CX3CR1: variants seen among roughly 807,000 people sequenced by gnomAD.
CX3CR1 encodes the protein C-X3-C motif chemokine receptor 1.
For missense variants in CX3CR1, 363 were observed against 432.4 expected, an observed-to-expected ratio of 0.84 and a Z score of 1.42; for synonymous variants, 168 against 178.5, an observed-to-expected ratio of 0.94 and a Z score of 0.47.
chr3:39,267,030 C>T (rs1042915208), intron 1 of CX3CR1, among the ~76,000 whole-genome samples: 2 of 152,100 alleles, frequency 1.3e-5, no homozygotes, highest in African/African-American at 2.4e-5. Flanking sequence ...ATTATCCTTC[C>T]GCCTCAGCCT....
chr3:39,291,470 C>A, the CX3CR1 span, among the ~76,000 whole-genome samples: 1 of 152,216 alleles, frequency 6.6e-6, no homozygotes, highest in Non-Finnish European at 1.5e-5. Flanking sequence ...TACTTGTCCT[C>A]TTCAAATATT....
At chr3:39,285,543 C>G (rs2040937552), upstream of CX3CR1, among the ~76,000 whole-genome samples, 1 of 152,164 alleles carries the variant, frequency 6.6e-6, no homozygotes, top group Admixed American at 6.5e-5. Flanking sequence ...AAGCACTTCC[C>G]CTTTGGAACC....
intron 1 of CX3CR1, among the ~76,000 whole-genome samples, chr3:39,276,045 G>T (rs1472737901): frequency 1.1e-4 from 17 of 152,182 alleles, no homozygotes; most frequent in Non-Finnish European, 2.1e-4. Flanking sequence ...GGCACAGAGG[G>T]TCTGAGCATA....
chr3:39,281,120 C>G, upstream of CX3CR1: 1 of 996,462 alleles, frequency 1.0e-6, no homozygotes, highest in Non-Finnish European at 1.2e-6. Flanking sequence ...CTCCCCCAAC[C>G]CCAGGACAGA....
upstream of CX3CR1, chr3:39,281,244 C>A (rs572615507): frequency 5.7e-6 from 6 of 1,052,470 alleles, no homozygotes; most frequent in Admixed American, 1.0e-4. Context: ...CCTTTCCCTG[C>A]CTTTGGCCAG....
At chr3:39,281,346 C>A, upstream of CX3CR1, 2 of 794,724 alleles carry the variant, frequency 2.5e-6, no homozygotes, top group Non-Finnish European at 3.3e-6. Flanking sequence ...TGATACCTCT[C>A]CTGGGGTCCA....
chr3:39,283,687 G>A (rs1415327626), upstream of CX3CR1, among the ~76,000 whole-genome samples: 2 of 150,352 alleles, frequency 1.3e-5, no homozygotes, highest in African/African-American at 2.4e-5. Flanking sequence ...GGCTGAGGCA[G>A]GAGAATCGCT....
chr3:39,283,045 C>T (rs868032247), upstream of CX3CR1, among the ~76,000 whole-genome samples: 18 of 152,182 alleles, frequency 1.2e-4, no homozygotes, highest in African/African-American at 3.9e-4. Context: ...GCACACATCA[C>T]CACACCCAGC....
At chr3:39,282,835 C>A (rs985862462), upstream of CX3CR1, among the ~76,000 whole-genome samples, 1 of 152,178 alleles carries the variant, frequency 6.6e-6, no homozygotes, top group Non-Finnish European at 1.5e-5. Context: ...CCTAAGTCCT[C>A]GATGTACATG....
intron 1 of CX3CR1, among the ~76,000 whole-genome samples, chr3:39,274,481 C>CA (rs10663570): frequency 0.041 from 3,648 of 88,264 alleles, 270 homozygotes; most frequent in African/African-American, 0.15. Context: ...CAACCACCAC[C>CA]AAAAAAAAAA....
chr3:39,280,525 A>C, upstream of CX3CR1: 3 of 953,494 alleles, frequency 3.1e-6, no homozygotes, highest in Non-Finnish European at 3.7e-6. Flanking sequence ...ATTTTAATGA[A>C]ATTCTTAGAA....
chr3:39,277,149 T>C (rs2040849103), intron 1 of CX3CR1, among the ~76,000 whole-genome samples: 2 of 152,360 alleles, frequency 1.3e-5, no homozygotes, highest in East Asian at 3.9e-4. Flanking sequence ...AGACATATGA[T>C]ACAGCTTTTC....
intron 1 of CX3CR1, among the ~76,000 whole-genome samples, chr3:39,269,251 G>A (rs6783625): frequency 0.017 from 2,522 of 152,302 alleles, 71 homozygotes; most frequent in African/African-American, 0.058. Flanking sequence ...GGAGAAGGAA[G>A]GGAAAGTTAG....
chr3:39,281,692 T>C (rs2040901498), upstream of CX3CR1: 1 of 1,597,906 alleles, frequency 6.3e-7, no homozygotes, highest in Non-Finnish European at 8.5e-7. Flanking sequence ...AGGGGTTCTC[T>C]CATCCTGGTT....
intron 1 of CX3CR1, among the ~76,000 whole-genome samples, chr3:39,278,314 T>C (rs1438479114): frequency 6.6e-6 from 1 of 152,188 alleles, no homozygotes; most frequent in Admixed American, 6.5e-5. Flanking sequence ...CCTGCCTTCC[T>C]TTGTGAAAAT....
At chr3:39,267,679 T>C (rs2040721976) in intron 1 of CX3CR1, among the ~76,000 whole-genome samples, 1 of 152,202 alleles carries the variant, frequency 6.6e-6, no homozygotes, top group South Asian at 2.1e-4. Context: ...GGCTGACTGA[T>C]TCAAGATGGA....
intron 1 of CX3CR1, among the ~76,000 whole-genome samples, chr3:39,274,247 T>TA (rs546846978): frequency 2.1e-4 from 32 of 152,272 alleles, no homozygotes; most frequent in Admixed American, 8.5e-4. Context: ...CAGCTATTTT[T>TA]ATAACACATA....
chr3:39,288,004 G>A, the CX3CR1 span: 22 of 151,104 alleles, frequency 1.5e-4, no homozygotes, highest in African/African-American at 4.5e-4. Flanking sequence ...GTGTGTGTGT[G>A]TGTGTGTGTT....
chr3:39,283,795 T>TTATATATATATATA (rs59133796), upstream of CX3CR1, among the ~76,000 whole-genome samples: 7 of 65,298 alleles, frequency 1.1e-4, no homozygotes, highest in Non-Finnish European at 1.1e-4. Context: ...AAAAAAAAAA[T>TTATATATATATATA]TATATATATA....
Sources: gnomAD v4.1 joint callset for allele counts (sites outside exome capture counted in the v4.1 genomes callset) on GRCh38, gnomAD v4.1.1 for gene constraint, MANE v1.5 for transcripts, NCBI Gene and HGNC (gene_info 2026-07-23, HGNC 2026-07-21) for gene names.